AATF: variants seen among roughly 807,000 people sequenced by gnomAD.
AATF encodes the protein apoptosis antagonizing transcription factor.
A neutral mutation model predicts 63.7 loss-of-function variants in AATF; 48 were observed. The ratio of observed to expected loss-of-function variants is 0.75; its 90% CI spans 0.60 to 0.96. The LOEUF (loss-of-function observed/expected upper bound fraction) is 0.96. Among genes scored for constraint, AATF ranks in the 40% least tolerant of loss-of-function variants. AATF has a pLI of 0.00. For synonymous variants in AATF, 258 were observed against 247.7 expected, an observed-to-expected ratio of 1.04 and a Z score of -0.39; for missense variants, 639 against 685.7, an observed-to-expected ratio of 0.93 and a Z score of 0.76.
intron 9 of AATF, 150 bp from the exon 10 acceptor site, chr17:37,020,784 G>T: frequency 3.7e-6 from 2 of 541,900 alleles, no homozygotes; most frequent in African/African-American, 2.0e-5. Flanking sequence ...CTGTTCAATT[G>T]ATTAGTCAGT....
At chr17:36,994,757 CTTTTG>C (rs766572011) in intron 8 of AATF, among the ~76,000 whole-genome samples, 10 of 152,176 alleles carry the variant, frequency 6.6e-5, no homozygotes, top group East Asian at 1.9e-4. Context: ...CCATTTAAGG[CTTTTG>C]TTTTGTTTTA....
rs148936832 is a variant in AATF, at chr17:36,963,539, T to G, written c.832+9632T>G. On this transcript the variant is annotated intron_variant, in intron 4 of 11. Transcript: ENST00000619387. ...TGCTTAGACTTTAGAACCCAACTGC[T>G]GCATAAGATGATACTCTATTGTTTA... Among the ~76,000 whole-genome samples the G allele has an allele frequency of 4.1e-3, 619 of 152,372 alleles. 8 individuals are homozygous for G. The highest frequency in any genetic ancestry group is 0.032 in the Admixed American group (492 of 15,304).
chr17:37,007,973 T>C (rs1035759692), intron 8 of AATF, among the ~76,000 whole-genome samples: 4 of 152,268 alleles, frequency 2.6e-5, no homozygotes, highest in Admixed American at 2.0e-4. Context: ...TAGCATACTT[T>C]TTAAATGTAT....
At chr17:36,984,565 A>C (rs1461559013) in intron 4 of AATF, among the ~76,000 whole-genome samples, 2 of 152,194 alleles carry the variant, frequency 1.3e-5, no homozygotes, top group Non-Finnish European at 2.9e-5. Flanking sequence ...CTCAGTGTCT[A>C]GTTAGCCCCT....
At chr17:36,959,143 C>CA (rs963819669) in intron 4 of AATF, among the ~76,000 whole-genome samples, 23 of 143,602 alleles carry the variant, frequency 1.6e-4, no homozygotes, top group South Asian at 8.9e-4. Flanking sequence ...AACTCCGTCT[C>CA]AAAAAAAACA....
At chr17:36,968,767 G>A (rs1055938816) in intron 4 of AATF, among the ~76,000 whole-genome samples, 4 of 151,900 alleles carry the variant, frequency 2.6e-5, no homozygotes, top group African/African-American at 9.7e-5. Context: ...GACTACAGGT[G>A]CATGCCATCC....
chr17:37,042,662 C>T (rs1486184719), intron 11 of AATF, among the ~76,000 whole-genome samples: 1 of 151,324 alleles, frequency 6.6e-6, no homozygotes, highest in Non-Finnish European at 1.5e-5. Flanking sequence ...AAGCAGTCCT[C>T]CCACCTTGGC....
At chr17:37,028,004 TAAA>T (rs1240427796) in intron 10 of AATF, among the ~76,000 whole-genome samples, 1 of 152,216 alleles carries the variant, frequency 6.6e-6, no homozygotes, top group Non-Finnish European at 1.5e-5. Flanking sequence ...TATATTTAAA[TAAA>T]AAGGTTATAT....
chr17:36,987,923 A>G (rs973983749), intron 5 of AATF, among the ~76,000 whole-genome samples: 1 of 152,232 alleles, frequency 6.6e-6, no homozygotes, highest in Non-Finnish European at 1.5e-5. Flanking sequence ...TGGTTCATAC[A>G]CATTTCTAAT....
rs200375945 is a variant in AATF, at chr17:36,986,725, C to T, written c.941C>T (p.Ala314Val). 128 of 1,612,134 alleles carry T rather than the reference C, an allele frequency of 7.9e-5. No homozygotes were observed. In the East Asian group the frequency reaches 8.0e-4, roughly 10 times the overall value. ...CTAGTAGATGGGACAAAGCCCAATG[C>T]GGGAAGGTAAGAGAACAGAATCATG... ...RYLVDGTKPN[A>V]GSEEISSEDD... The change falls in exon 5 of 12, where the codon GCG becomes GTG. Residue 314 changes from alanine to valine, a missense_variant. Coordinates refer to ENST00000619387, the MANE Select transcript of AATF (RefSeq NM_012138.4).
At chr17:37,027,218 G>A (rs1297114839) in intron 10 of AATF, among the ~76,000 whole-genome samples, 1 of 151,932 alleles carries the variant, frequency 6.6e-6, no homozygotes, top group Non-Finnish European at 1.5e-5. Context: ...ACATATAAGT[G>A]GATTTAGTTA....
In AATF at chr17:37,034,254, G is replaced by A. The variant is rs908342637; in HGVS notation, c.1619+2569G>A. ...TTTGAATAGGCCAGATTAACTATGG[G>A]TACAGTAAATAGGAACTAGCTCTCT... On this transcript the variant is annotated intron_variant, in intron 11 of 11. Transcript: ENST00000619387. Among the ~76,000 whole-genome samples the A allele has an allele frequency of 7.9e-5, 12 of 152,178 alleles. 1 individual carries two copies. Among genetic ancestry groups the A allele is most frequent in the Admixed American group, 5.9e-4 (9 of 15,286 alleles).
intron 4 of AATF, among the ~76,000 whole-genome samples, chr17:36,964,215 A>G (rs950849573): frequency 7.5e-6 from 1 of 133,714 alleles, no homozygotes; most frequent in African/African-American, 2.9e-5. Context: ...GCGTGTTTGC[A>G]TGTTGATAGG....
intron 8 of AATF, among the ~76,000 whole-genome samples, chr17:36,997,008 A>G (rs1364431565): frequency 6.6e-6 from 1 of 152,228 alleles, no homozygotes; most frequent in African/African-American, 2.4e-5. Flanking sequence ...AAACTTTTTC[A>G]AACACAAATG....
At chr17:36,980,567 T>G (rs1256091674) in intron 4 of AATF, 2 of 152,256 alleles carry the variant, frequency 1.3e-5, no homozygotes, top group African/African-American at 4.8e-5. Context: ...ATTCTATTTA[T>G]TATTCACAGG....
chr17:37,050,752 G>A (rs9897742), intron 11 of AATF, among the ~76,000 whole-genome samples: 1,870 of 152,278 alleles, frequency 0.012, 41 homozygotes, highest in African/African-American at 0.042. Context: ...ATGGGATTGA[G>A]TTAAGGCAGA....
chr17:36,988,720 G>C lies in AATF; in HGVS notation c.1149G>C (p.Lys383Asn). The change falls in exon 6 of 12, where the codon AAG (lysine) becomes AAC (asparagine). Residue 383 changes from lysine (K) to asparagine (N), a missense_variant and splice_region_variant. Coordinates refer to ENST00000619387, the MANE Select transcript of AATF (RefSeq NM_012138.4). The part of the protein sequence containing the change: ...KTKLASGKLG[K>N]GFGAFERSIL... ...AACTGGCTTCTGGAAAACTGGGGAA[G>C]GCAAGTGTGTGTATGCGCGCATGTA... The C allele has an allele frequency of 6.2e-7, 1 of 1,613,640 alleles. No homozygotes were observed. Among genetic ancestry groups the C allele is most frequent in the Non-Finnish European group, 8.5e-7 (1 of 1,179,876 alleles).
At position 36,950,360 on chromosome 17, in the gene AATF, G is replaced by C; in HGVS notation, c.238G>C (p.Ala80Pro). 6.2e-7 allele frequency: 1 copy of C among 1,614,184 alleles called. No individual in the cohort carries two copies. The highest frequency in any genetic ancestry group is 8.5e-7 in the Non-Finnish European group (1 of 1,180,026). ...RYCGKTTSRK[A>P]WNEDHWEQTL... ...TTGCGGCAAAACCACCTCTAGAAAA[G>C]CATGGAATGAAGACCATTGGGAGCA... is the stretch of plus-strand genomic sequence containing the variant. The change falls in exon 2 of 12, where the codon GCA (alanine) becomes CCA (proline). Residue 80 changes from alanine to proline, a missense_variant. Ala to Pro is a conservative substitution (Grantham distance 27). Transcript: ENST00000619387.
chr17:36,987,683 A>C (rs2071179766), intron 5 of AATF, among the ~76,000 whole-genome samples: 1 of 152,244 alleles, frequency 6.6e-6, no homozygotes, highest in East Asian at 1.9e-4. Flanking sequence ...TTACATTGCC[A>C]TGGCAGTTGC....
Sources: allele counts gnomAD v4.1 joint callset (sites outside exome capture counted in the v4.1 genomes callset), GRCh38; gene constraint gnomAD v4.1.1; transcripts MANE v1.5; gene names NCBI Gene and HGNC (gene_info 2026-07-23, HGNC 2026-07-21).